The following NF1 variants were observed in gnomAD, a reference collection of about 807,000 sequenced individuals.
NF1 encodes the protein neurofibromin.
NF1 carries 122 observed loss-of-function variants against 325.7 expected under a neutral mutation model. That is an observed-to-expected ratio of 0.37 (90% CI 0.32 to 0.44). NF1 has a LOEUF of 0.44. Among genes scored for constraint, NF1 ranks in the 20% least tolerant of loss-of-function variants. The pLI is 1.00. For missense variants in NF1, 2,140 were observed against 3,415.4 expected, an observed-to-expected ratio of 0.63 and a Z score of 9.31; for synonymous variants, 1,091 against 1,186.0, an observed-to-expected ratio of 0.92 and a Z score of 1.65.
chr17:31,245,412 G>A (rs1597731209), intron 29 of NF1, among the ~76,000 whole-genome samples: 1 of 152,252 alleles, frequency 6.6e-6, no homozygotes, highest in African/African-American at 2.4e-5. Flanking sequence ...CAGTTCAACC[G>A]TGACACTGTT....
At chr17:31,314,080 A>C (rs1387322006) in intron 36 of NF1, 1 of 398,054 alleles carries the variant, frequency 2.5e-6, no homozygotes, top group South Asian at 1.3e-4. Flanking sequence ...ATTCAGATTT[A>C]AAATGTTCCT....
intron 57 of NF1, among the ~76,000 whole-genome samples, chr17:31,373,560 A>G (rs896753896): frequency 2.0e-5 from 3 of 152,256 alleles, no homozygotes; most frequent in Non-Finnish European, 4.4e-5. Flanking sequence ...CATTTTAGCA[A>G]TTGACTATTA....
At chr17:31,342,520 G>A (rs1290422899) in intron 47 of NF1, among the ~76,000 whole-genome samples, 1 of 152,252 alleles carries the variant, frequency 6.6e-6, no homozygotes, top group Admixed American at 6.5e-5. Flanking sequence ...CTTGAACCCA[G>A]GAGGTTGCAG....
chr17:31,259,679 G>A (rs1437402234), intron 33 of NF1, among the ~76,000 whole-genome samples: 21 of 152,070 alleles, frequency 1.4e-4, no homozygotes, highest in Non-Finnish European at 2.9e-5. Flanking sequence ...TGAGTTATTG[G>A]TCTATCTGTA....
chr17:31,213,115 C>T (rs1047612391), intron 12 of NF1, among the ~76,000 whole-genome samples: 18 of 152,028 alleles, frequency 1.2e-4, no homozygotes, highest in Admixed American at 1.1e-3. Context: ...TAAATAAATT[C>T]GTTTAATCAA....
chr17:31,278,493 CTTTTTTTTTTTT>C (rs200450821), intron 36 of NF1, among the ~76,000 whole-genome samples: 45 of 15,314 alleles, frequency 2.9e-3, no homozygotes, highest in African/African-American at 7.7e-3. Context: ...GTAATTGAAG[CTTTTTTTTTTTT>C]TTTTTTTTTT....
intron 36 of NF1, among the ~76,000 whole-genome samples, chr17:31,271,150 G>A (rs777326607): frequency 9.9e-5 from 15 of 152,200 alleles, no homozygotes; most frequent in Non-Finnish European, 1.9e-4. Context: ...AATCTTTGTA[G>A]ATGAGCATGA....
At chr17:31,337,239 GA>G in intron 42 of NF1, 128 bp from the exon 43 acceptor site, 1 of 793,988 alleles carries the variant, frequency 1.3e-6, no homozygotes, top group East Asian at 2.7e-5. Context: ...CTAGAGGTTT[GA>G]TTTAGGGAAC....
intron 36 of NF1, among the ~76,000 whole-genome samples, chr17:31,292,929 G>C (rs1484773449): frequency 6.6e-6 from 1 of 152,004 alleles, no homozygotes; most frequent in Admixed American, 6.6e-5. Flanking sequence ...TGTAATCCTA[G>C]CACTTTGGGA....
chr17:31,117,337 A>G (rs965191699), intron 1 of NF1, among the ~76,000 whole-genome samples: 11 of 152,070 alleles, frequency 7.2e-5, no homozygotes, highest in African/African-American at 2.7e-4. Context: ...GATAAAGACA[A>G]GCATTTTTCC....
intron 1 of NF1, among the ~76,000 whole-genome samples, chr17:31,153,277 C>G (rs2905788): frequency 6.6e-6 from 1 of 152,208 alleles, no homozygotes; most frequent in East Asian, 1.9e-4. Context: ...GATTTCTTGT[C>G]TATACCAGCT....
intron 1 of NF1, among the ~76,000 whole-genome samples, chr17:31,110,984 G>C (rs573344351): frequency 4.6e-5 from 7 of 152,010 alleles, no homozygotes; most frequent in African/African-American, 1.7e-4. Context: ...TGTTTTGTTC[G>C]TTGTTGTACT....
intron 48 of NF1, among the ~76,000 whole-genome samples, chr17:31,344,668 G>A (rs2151566959): frequency 6.6e-6 from 1 of 152,350 alleles, no homozygotes; most frequent in South Asian, 2.1e-4. Flanking sequence ...TATTGACAGT[G>A]TTAATCTCTA....
chr17:31,217,957 A>G lies in NF1; in HGVS notation c.1528-1048A>G, dbSNP rs994182595. Among the ~76,000 whole-genome samples the G allele has an allele frequency of 1.1e-3, 163 of 142,400 alleles. 1 individual carries two copies. The highest frequency in any genetic ancestry group is 4.0e-3 in the African/African-American group (154 of 38,898). 93.4% of individuals were successfully genotyped at this position (142,400 alleles called of 152,430 possible). A position where few individuals can be genotyped will look rare whatever the true frequency, so the allele number is the denominator to read the frequency against. On this transcript the variant is annotated intron_variant, in intron 13 of 57. Coordinates refer to ENST00000358273, the MANE Select transcript of NF1 (RefSeq NM_001042492.3). ...TCCGTTTCAAAAAAAAAAAAAAAAA[A>G]GGTAGGCATTCACATTTTTACATAA... is the stretch of plus-strand genomic sequence containing the variant.
intron 36 of NF1, among the ~76,000 whole-genome samples, chr17:31,280,516 CAAAAA>C (rs57193583): frequency 0.47 from 37,158 of 78,648 alleles, 5,715 homozygotes; most frequent in African/African-American, 0.58. Flanking sequence ...GACTCTGTCT[CAAAAA>C]AAAAAAAAAA....
chr17:31,101,899 T>C (rs1010922295), intron 1 of NF1, among the ~76,000 whole-genome samples: 4 of 152,198 alleles, frequency 2.6e-5, no homozygotes, highest in African/African-American at 9.7e-5. Context: ...GTGCATACTT[T>C]CTGAAAAGCA....
chr17:31,193,964 T>C (rs543781488), intron 8 of NF1, among the ~76,000 whole-genome samples: 9 of 152,338 alleles, frequency 5.9e-5, no homozygotes, highest in African/African-American at 2.2e-4. Context: ...ACAGCCACTA[T>C]GGAGAACAGT....
chr17:31,196,053 AT>A (rs1226727827), intron 8 of NF1, among the ~76,000 whole-genome samples: 1 of 152,052 alleles, frequency 6.6e-6, no homozygotes, highest in African/African-American at 2.4e-5. Flanking sequence ...GCTAGAAAAT[AT>A]ATATTTCAGT....
intron 29 of NF1, 93 bp downstream of exon 29, chr17:31,236,114 C>T (rs1024359562): frequency 5.9e-6 from 5 of 852,580 alleles, no homozygotes; most frequent in Admixed American, 4.3e-5. Flanking sequence ...GGCACCTTCT[C>T]CCCTTGATCA....
Sources: allele counts gnomAD v4.1 joint callset (sites outside exome capture counted in the v4.1 genomes callset), GRCh38; gene constraint gnomAD v4.1.1; transcripts MANE v1.5; gene names NCBI Gene and HGNC (gene_info 2026-07-23, HGNC 2026-07-21).